Variants in DUOX1 observed in about 807,000 individuals in gnomAD.
DUOX1 encodes NADPH thyroid oxidase 1.
Under a neutral mutation model 181.8 loss-of-function variants are expected in DUOX1, and 134 were observed. That is an observed-to-expected ratio of 0.74 (90% CI 0.64 to 0.85). The LOEUF (loss-of-function observed/expected upper bound fraction) is 0.85, where lower values mean the gene tolerates loss of function less well. Ranked by LOEUF, DUOX1 falls within the 40% of genes least tolerant of loss-of-function variation. The pLI is 0.00. For missense variants in DUOX1, 1,814 were observed against 2,064.4 expected (o/e 0.88, Z 2.35); for synonymous variants, 798 against 832.5 (o/e 0.96, Z 0.71).
Position 45,152,084 on chromosome 15 carries a change from C to T in DUOX1, c.3193+32C>T, listed in dbSNP as rs764687425. On this transcript the variant is annotated intron_variant, in intron 24 of 33. Transcript: ENST00000389037. ...GACTTTACTTACCACGAGCCCTGTC[C>T]CTAGGCTTGCAATGAGTGATCGCCC... 4.4e-6 allele frequency: 7 copies of T among 1,606,328 alleles called. No homozygotes were observed. The South Asian group carries it at 7.8e-5, about 18-fold the overall frequency.
At chr15:45,162,129 ATACGTATC>A (rs1474338682) in intron 30 of DUOX1, 82 bp from the exon 31 acceptor site, 8 of 1,534,890 alleles carry the variant, frequency 5.2e-6, no homozygotes, top group Middle Eastern at 3.5e-4. Context: ...CTCACTCCAT[ATACGTATC>A]TACCTTTCCT....
intron 19 of DUOX1, 47 bp from the exon 20 acceptor site, chr15:45,147,857 C>T (rs544296824): frequency 1.3e-6 from 2 of 1,566,472 alleles, no homozygotes; most frequent in African/African-American, 2.7e-5. Flanking sequence ...CCTGGGGGTT[C>T]AGGCAGGCAG....
chr15:45,153,366 C>G lies in DUOX1; in HGVS notation c.3425-14C>G. The G allele has an allele frequency of 6.2e-7, 1 of 1,611,560 alleles. No individual in the cohort carries two copies. Among genetic ancestry groups the G allele is most frequent in the Non-Finnish European group, 8.5e-7 (1 of 1,177,804 alleles). ...GGCTGCCCCAAGCTCACCACTTGGT[C>G]TGCTCTTCCTTAGTCTTACACAGTG... On this transcript the variant is annotated splice_polypyrimidine_tract_variant and intron_variant, in intron 25 of 33. Transcript: ENST00000389037.
In DUOX1 at chr15:45,141,085, G is replaced by A. The variant is rs1555421576; in HGVS notation, c.1565+15G>A. ...ACCAGGAATGGGTAAGGCGTGCTGGGCCTCCGCCTCAGGCTCTACCTCGGC... is the reference window on the plus strand; with the variant it reads ...ACCAGGAATGGGTAAGGCGTGCTGGACCTCCGCCTCAGGCTCTACCTCGGC... On this transcript the variant is annotated intron_variant, in intron 13 of 33. Coordinates refer to ENST00000389037, the MANE Select transcript of DUOX1 (RefSeq NM_175940.3). The A allele has an allele frequency of 6.2e-7, 1 of 1,614,140 alleles. No homozygotes were observed. Among genetic ancestry groups the A allele is most frequent in the East Asian group, 2.2e-5 (1 of 44,886 alleles).
intron 31 of DUOX1, 139 bp downstream of exon 31, chr15:45,162,516 G>C: frequency 1.8e-6 from 2 of 1,108,714 alleles, no homozygotes; most frequent in Non-Finnish European, 2.5e-6. Flanking sequence ...CCTGGGGTTG[G>C]GTGGTGAGTG....
intron 11 of DUOX1, 122 bp from the exon 12 acceptor site, chr15:45,139,305 A>T: frequency 6.3e-7 from 1 of 1,592,758 alleles, no homozygotes; most frequent in Non-Finnish European, 8.6e-7. Flanking sequence ...AGAGCTTCTG[A>T]CATGCTGACC....
At chr15:45,136,701 C>A (rs1323087581) in intron 9 of DUOX1, 76 bp downstream of exon 9, 2 of 1,372,464 alleles carry the variant, frequency 1.5e-6, no homozygotes, top group Admixed American at 1.7e-5. Context: ...CCTCAGGAGC[C>A]CTCTGTACAG....
intron 2 of DUOX1, 131 bp downstream of exon 2, chr15:45,132,155 A>G (rs1290235140): frequency 5.4e-6 from 4 of 735,222 alleles, no homozygotes; most frequent in South Asian, 4.7e-5. Flanking sequence ...TGCCCTGCAC[A>G]TGAGAGTTGC....
chr15:45,140,136 T>G, intron 12 of DUOX1: 1 of 995,710 alleles, frequency 1.0e-6, no homozygotes. Flanking sequence ...ACAGGGGTCC[T>G]GTTCAGCTGC....
intron 29 of DUOX1, 90 bp downstream of exon 29, chr15:45,161,080 C>T (rs1398976307): frequency 1.3e-6 from 2 of 1,564,748 alleles, no homozygotes; most frequent in African/African-American, 1.4e-5. Context: ...CCTGGTCGGG[C>T]CCAGTGGAGC....
intron 27 of DUOX1, 123 bp downstream of exon 27, chr15:45,154,123 C>T: frequency 1.1e-6 from 1 of 916,866 alleles, no homozygotes; most frequent in Non-Finnish European, 1.8e-6. Context: ...CAGGCTCTGT[C>T]CTCTGGCCTG....
chr15:45,158,689 G>A (rs1259811333), intron 28 of DUOX1, among the ~76,000 whole-genome samples: 1 of 113,600 alleles, frequency 8.8e-6, no homozygotes, highest in Non-Finnish European at 1.7e-5. Flanking sequence ...GTGACAGCGA[G>A]ACTTCCATCT....
chr15:45,137,687 C>CAG (rs1254995969), intron 9 of DUOX1, among the ~76,000 whole-genome samples: 1 of 151,676 alleles, frequency 6.6e-6, no homozygotes, highest in Non-Finnish European at 1.5e-5. Flanking sequence ...GAGAGAGAGT[C>CAG]AGAGAGAGAG....
intron 21 of DUOX1, 48 bp from the exon 22 acceptor site, chr15:45,150,584 C>G: frequency 6.3e-7 from 1 of 1,586,380 alleles, no homozygotes; most frequent in East Asian, 2.2e-5. Flanking sequence ...CCAGGTCTTC[C>G]TGGGCTCTGG....
At chr15:45,142,767 A>AGAAGGAAAGAAGGAAGGAAGGAAGGAAG (rs1896536090) in intron 15 of DUOX1, among the ~76,000 whole-genome samples, 1 of 115,160 alleles carries the variant, frequency 8.7e-6, no homozygotes, top group African/African-American at 3.1e-5. Flanking sequence ...AAGGAAGGAA[A>AGAAGGAAAGAAGGAAGGAAGGAAGGAAG]GAAGGAAGGA....
rs373350492 is a variant in DUOX1 at position 45,144,891 on chromosome 15, T to G, written c.2137-4T>G. ...GGTTGCTTTTGCTCGGGCTGCCCCC[T>G]TAGGTGCTGCTGTTTAACTTGGAGG... is the stretch of plus-strand genomic sequence containing the variant. On this transcript the variant is annotated splice_polypyrimidine_tract_variant and splice_region_variant and intron_variant, in intron 17 of 33. Coordinates refer to ENST00000389037, the MANE Select transcript of DUOX1 (RefSeq NM_175940.3). 9.3e-6 allele frequency: 15 copies of G among 1,605,734 alleles called. No individual in the cohort carries two copies. The African/African-American group carries it at 2.0e-4, about 22-fold the overall frequency.
intron 22 of DUOX1, 108 bp downstream of exon 22, chr15:45,150,809 C>T (rs1896781518): frequency 1.8e-6 from 2 of 1,093,388 alleles, no homozygotes; most frequent in Non-Finnish European, 2.7e-6. Context: ...CACCTTCAAA[C>T]AAATTAGAAA....
chr15:45,151,199 C>A lies in DUOX1; in HGVS notation c.2965C>A (p.Pro989Thr). ...TELTPQRLQCPMDTDPPQEIR... is the reference protein window; with the variant it reads ...TELTPQRLQCTMDTDPPQEIR... The stretch of plus-strand genomic sequence containing the variant: ...GTTGACACCTCAGAGACTGCAGTGC[C>A]CCATGGACACAGACCCTCCCCAGGA... The change falls in exon 23 of 34, where the codon CCC becomes ACC. Residue 989 changes from proline (P) to threonine (T), a missense_variant. Physicochemically the swap from Pro to Thr is conservative, Grantham distance 38. Transcript: ENST00000389037. 6 of 1,614,172 alleles carry A rather than the reference C, an allele frequency of 3.7e-6. No homozygotes were observed. The South Asian group carries it at 5.5e-5, about 15-fold the overall frequency.
rs189487887 is a variant in DUOX1 at position 45,159,997 on chromosome 15, C to T, written c.3703-840C>T. ...TGAAACCCCATCTCTACTAAAAATA[C>T]AAAAATTATCTGGGTTTGGTGGCAG... On this transcript the variant is annotated intron_variant, in intron 28 of 33. Transcript: ENST00000389037. Among the ~76,000 whole-genome samples the T allele has an allele frequency of 8.5e-4, 130 of 152,204 alleles. 2 individuals are homozygous for T. The highest frequency in any genetic ancestry group is 8.4e-3 in the Admixed American group (129 of 15,282).
Sources: gnomAD v4.1 joint callset for allele counts (sites outside exome capture counted in the v4.1 genomes callset) on GRCh38, gnomAD v4.1.1 for gene constraint, MANE v1.5 for transcripts, NCBI Gene and HGNC (gene_info 2026-07-23, HGNC 2026-07-21) for gene names.